The following ANO2 variants were observed in gnomAD, a reference collection of about 807,000 sequenced individuals.
ANO2 encodes the protein anoctamin 2.
A neutral mutation model predicts 124.2 loss-of-function variants in ANO2; 101 were observed. The observed-to-expected ratio is 0.81, with a 90% CI of 0.69 to 0.96. The LOEUF (loss-of-function observed/expected upper bound fraction) is 0.96, where lower values mean the gene tolerates loss of function less well. Among genes scored for constraint, ANO2 ranks in the 40% least tolerant of loss-of-function variants. The pLI, the probability that ANO2 is intolerant of heterozygous loss-of-function variation, is 0.00. For missense variants in ANO2, 1,293 were observed against 1,274.5 expected (o/e 1.01, Z -0.22); for synonymous variants, 486 against 482.5 (o/e 1.01, Z -0.09).
In ANO2 at chr12:5,831,589, G is replaced by A. The variant is rs1476896977; in HGVS notation, c.785+863C>T. On this transcript the variant is annotated intron_variant, in intron 5 of 24. Transcript: ENST00000682330. The stretch of plus-strand genomic sequence containing the variant: ...ATAGTTAGATCTGGCCCGCCACCAC[G>A]CAAGGGGACATGAGGACTCAATGAG... Among the ~76,000 whole-genome samples, 4 of 152,144 alleles carry A rather than the reference G, an allele frequency of 2.6e-5. No individual in the cohort carries two copies. The East Asian group carries it at 5.8e-4, about 22-fold the overall frequency.
At chr12:5,627,665 C>T (rs901810920) in intron 16 of ANO2, among the ~76,000 whole-genome samples, 9 of 152,210 alleles carry the variant, frequency 5.9e-5, no homozygotes, top group East Asian at 5.8e-4. Flanking sequence ...TTTGGTGCCC[C>T]GGCAGCCATT....
At chr12:5,722,829 C>T (rs1950285737) in intron 14 of ANO2, among the ~76,000 whole-genome samples, 1 of 152,178 alleles carries the variant, frequency 6.6e-6, no homozygotes, top group African/African-American at 2.4e-5. Context: ...AGGGCACAAA[C>T]CAAACTGCTA....
At chr12:5,777,743 A>C (rs1337153121) in intron 10 of ANO2, among the ~76,000 whole-genome samples, 1 of 152,204 alleles carries the variant, frequency 6.6e-6, no homozygotes, top group Non-Finnish European at 1.5e-5. Context: ...GGAACATGCT[A>C]GGAAAATCAC....
At chr12:5,584,459 T>C (rs1942991089) in intron 20 of ANO2, among the ~76,000 whole-genome samples, 1 of 152,194 alleles carries the variant, frequency 6.6e-6, no homozygotes, top group African/African-American at 2.4e-5. Context: ...TCCTCCTTCT[T>C]ATGAGCCATT....
intron 16 of ANO2, among the ~76,000 whole-genome samples, chr12:5,617,926 C>T (rs1194571367): frequency 6.6e-6 from 1 of 152,206 alleles, no homozygotes; most frequent in Non-Finnish European, 1.5e-5. Flanking sequence ...TTCCTCAGTC[C>T]ATGTGTTTGG....
intron 4 of ANO2, among the ~76,000 whole-genome samples, chr12:5,849,920 A>G (rs1207631039): frequency 6.6e-6 from 1 of 152,158 alleles, no homozygotes; most frequent in Non-Finnish European, 1.5e-5. Context: ...CTCCACAGAC[A>G]GCGAGTCTCG....
chr12:5,674,039 C>A (rs1175930837), intron 14 of ANO2, among the ~76,000 whole-genome samples: 3 of 152,172 alleles, frequency 2.0e-5, no homozygotes, highest in Non-Finnish European at 4.4e-5. Flanking sequence ...TCCTTACCAA[C>A]CAGCAGTTCC....
intron 10 of ANO2, among the ~76,000 whole-genome samples, chr12:5,782,891 G>A (rs1018678274): frequency 1.3e-5 from 2 of 152,194 alleles, no homozygotes; most frequent in African/African-American, 2.4e-5. Flanking sequence ...TCTTAAAAAT[G>A]TCTACTAGCA....
At chr12:5,753,577 G>A (rs28493368) in intron 10 of ANO2, among the ~76,000 whole-genome samples, 25,970 of 151,778 alleles carry the variant, frequency 0.17, 2,307 homozygotes, top group Middle Eastern at 0.23. Context: ...TTTTATCAAC[G>A]TTTTATAGTT....
intron 14 of ANO2, among the ~76,000 whole-genome samples, chr12:5,687,410 T>C (rs11063821): frequency 0.37 from 56,898 of 152,150 alleles, 12,403 homozygotes; most frequent in East Asian, 0.59. Flanking sequence ...CTGAGAAGAC[T>C]TCCCTAAAGG....
rs946891529 is a variant in ANO2, at chr12:5,635,366, A to G, written c.1621-19T>C. ...GGGCAATCTGTTTGGGAAAACAGAG[A>G]GAAGTACACATCAGCCGGCAATTAC... is the stretch of plus-strand genomic sequence containing the variant. On this transcript the variant is annotated intron_variant, in intron 15 of 24. Transcript: ENST00000682330. This position sits in a 1 kb window ranked among gnomAD's most constrained non-coding sequence, Gnocchi z 5.2. 1 of 1,530,470 alleles carries G rather than the reference A, an allele frequency of 6.5e-7. No homozygotes were observed. The highest frequency in any genetic ancestry group is 8.8e-7 in the Non-Finnish European group (1 of 1,142,580). 94.8% of individuals were successfully genotyped at this position (1,530,470 alleles called of 1,614,324 possible). A position where few individuals can be genotyped will look rare whatever the true frequency, so the allele number is the denominator to read the frequency against.
intron 19 of ANO2, among the ~76,000 whole-genome samples, chr12:5,603,209 T>C (rs1047513701): frequency 6.6e-5 from 10 of 152,064 alleles, no homozygotes; most frequent in African/African-American, 2.2e-4. Context: ...CTAGAAATCA[T>C]CTCCAGGAAA....
intron 10 of ANO2, among the ~76,000 whole-genome samples, chr12:5,771,210 T>C (rs564904178): frequency 6.6e-6 from 1 of 152,302 alleles, no homozygotes; most frequent in Admixed American, 6.5e-5. Flanking sequence ...TAAATCCTCA[T>C]CAAAACCCCA....
rs73255107 is a variant in ANO2 at position 5,799,663 on chromosome 12, A to G, written c.991-92T>C. On this transcript the variant is annotated intron_variant, in intron 9 of 24. Transcript: ENST00000682330. ...CCTAACAAGTCAGATTTTTATCCCC[A>G]AAGTCCAGCTTCTAAGAAATTCTCA... 7,351 of 1,149,638 alleles carry G rather than the reference A, an allele frequency of 6.4e-3. 312 individuals are homozygous for G. In the African/African-American group the frequency reaches 0.097, roughly 15 times the overall value. The allele number at this position is 1,149,638 out of a possible 1,614,324, so 71.2% of individuals were successfully genotyped here.
At chr12:5,759,642 T>C (rs1004858186) in intron 10 of ANO2, among the ~76,000 whole-genome samples, 2 of 149,770 alleles carry the variant, frequency 1.3e-5, no homozygotes, top group Non-Finnish European at 1.5e-5. Context: ...GAGAATCTAA[T>C]GCCTGATGAT....
intron 23 of ANO2, 65 bp downstream of exon 23, chr12:5,575,769 C>G (rs747388928): frequency 1.2e-5 from 18 of 1,535,816 alleles, no homozygotes; most frequent in Non-Finnish European, 1.6e-5. Context: ...TCTAGGTCGT[C>G]CCCGTAATTA....
Position 5,922,606 on chromosome 12 carries a change from C to G in ANO2, c.207+14G>C. On this transcript the variant is annotated intron_variant, in intron 2 of 24. Transcript: ENST00000682330. ...CTGGCCTATCCCCCCACCCCACCCCCGCCCAGTACTCACAGAGCTGCTGCG... is the reference window on the plus strand; with the variant it reads ...CTGGCCTATCCCCCCACCCCACCCCGGCCCAGTACTCACAGAGCTGCTGCG... 6.6e-7 allele frequency: 1 copy of G among 1,523,502 alleles called. No individual in the cohort carries two copies. The highest frequency in any genetic ancestry group is 2.5e-5 in the East Asian group (1 of 40,256). 94.4% of individuals were successfully genotyped at this position (1,523,502 alleles called of 1,614,324 possible).
intron 9 of ANO2, among the ~76,000 whole-genome samples, chr12:5,802,036 C>G (rs1953057021): frequency 6.6e-6 from 1 of 152,200 alleles, no homozygotes; most frequent in African/African-American, 2.4e-5. Flanking sequence ...AGGCTCTGAC[C>G]TCCAGAGCAA....
At chr12:5,572,236 C>A (rs1942168694) in intron 23 of ANO2, among the ~76,000 whole-genome samples, 1 of 152,110 alleles carries the variant, frequency 6.6e-6, no homozygotes, top group South Asian at 2.1e-4. Context: ...TAGCTTACCC[C>A]TCTCACCTGA....
Sources: gnomAD v4.1 joint callset for allele counts (sites outside exome capture counted in the v4.1 genomes callset) on GRCh38, gnomAD v4.1.1 for gene constraint, Gnocchi (gnomAD v3.1) non-coding constraint, MANE v1.5 for transcripts, NCBI Gene and HGNC (gene_info 2026-07-23, HGNC 2026-07-21) for gene names.